The following TMEM236 variants were observed in gnomAD, a reference collection of about 807,000 sequenced individuals.
TMEM236 encodes transmembrane protein 236.
Under a neutral mutation model 14.7 loss-of-function variants are expected in TMEM236, and 11 were observed. The ratio of observed to expected loss-of-function variants is 0.75; its 90% CI spans 0.47 to 1.24. The LOEUF (loss-of-function observed/expected upper bound fraction) is 1.24. TMEM236 is among the 50% of genes most tolerant of loss of function. The pLI is 0.00. For synonymous variants in TMEM236, 182 were observed against 168.6 expected, an observed-to-expected ratio of 1.08 and a Z score of -0.62; for missense variants, 464 against 427.3, an observed-to-expected ratio of 1.09 and a Z score of -0.76.
chr10:17,790,349 G>T (rs1359124337), intron 3 of TMEM236, among the ~76,000 whole-genome samples: 1 of 152,142 alleles, frequency 6.6e-6, no homozygotes, highest in African/African-American at 2.4e-5. Flanking sequence ...TGATTGTTGC[G>T]TCTTCCACAA....
At chr10:17,769,160 C>G (rs1837527562) in intron 1 of TMEM236, among the ~76,000 whole-genome samples, 1 of 152,128 alleles carries the variant, frequency 6.6e-6, no homozygotes, top group Non-Finnish European at 1.5e-5. Flanking sequence ...TGTTGCTAGG[C>G]AAGAATAGAA....
In TMEM236 at chr10:17,798,067, C is replaced by CT. The variant is rs1838045264; in HGVS notation, c.*1563_*1564insT. ...TACAGAGTCATGCAACTTGCTTTCA[C>CT]CCTGTTGGGACACTCTGAACAGTCA... On this transcript the variant is annotated 3_prime_UTR_variant, in exon 4 of 4. Coordinates refer to ENST00000377495, the MANE Select transcript of TMEM236 (RefSeq NM_001098844.3). The CT allele has an allele frequency of 6.3e-6, 1 of 158,056 alleles. No individual in the cohort carries two copies. The highest frequency in any genetic ancestry group is 1.4e-5 in the Non-Finnish European group (1 of 71,348). 9.8% of individuals were successfully genotyped at this position (158,056 alleles called of 1,614,324 possible). A position where few individuals can be genotyped will look rare whatever the true frequency, so the allele number is the denominator to read the frequency against.
chr10:17,758,579 A>T (rs1589138290), intron 1 of TMEM236, among the ~76,000 whole-genome samples: 1 of 152,210 alleles, frequency 6.6e-6, no homozygotes, highest in Non-Finnish European at 1.5e-5. Context: ...ATTTCATAAG[A>T]TCATGCGTGT....
chr10:17,779,125 C>T (rs1022434739), intron 3 of TMEM236, among the ~76,000 whole-genome samples: 69,256 of 151,940 alleles, frequency 0.46, 15,954 homozygotes, highest in Middle Eastern at 0.57. Context: ...TACAAATGAG[C>T]GCACCTTAAT....
rs1451560179 is a variant in TMEM236 at position 17,797,871 on chromosome 10, AG to A, written c.*1368del. On this transcript the variant is annotated 3_prime_UTR_variant, in exon 4 of 4. Coordinates refer to ENST00000377495, the MANE Select transcript of TMEM236 (RefSeq NM_001098844.3). ...ATAAAAAGCCATAAAGTGAAGACAG[AG>A]ATTTCAAAGTAAAAGAATATTTTAT... The A allele has an allele frequency of 1.3e-5, 2 of 152,306 alleles. No homozygotes were observed. The highest frequency in any genetic ancestry group is 2.9e-5 in the Non-Finnish European group (2 of 68,110). 9.4% of individuals were successfully genotyped at this position (152,306 alleles called of 1,614,324 possible). A position where few individuals can be genotyped will look rare whatever the true frequency, so the allele number is the denominator to read the frequency against.
chr10:17,797,942 G>A lies in TMEM236; in HGVS notation c.*1438G>A, dbSNP rs1286522600. ...GATAAATAATCAAAGTACAAGCCCTGTTTAAAATTAAAAGTTCGGCTTACA... is the reference window on the plus strand; with the variant it reads ...GATAAATAATCAAAGTACAAGCCCTATTTAAAATTAAAAGTTCGGCTTACA... On this transcript the variant is annotated 3_prime_UTR_variant, in exon 4 of 4. Transcript: ENST00000377495. 6.6e-6 allele frequency: 1 copy of A among 152,198 alleles called. No individual in the cohort carries two copies. The highest frequency in any genetic ancestry group is 1.5e-5 in the Non-Finnish European group (1 of 68,062). The allele number at this position is 152,198 out of a possible 1,614,324, so 9.4% of individuals were successfully genotyped here.
chr10:17,790,348 C>A (rs1837906425), intron 3 of TMEM236, among the ~76,000 whole-genome samples: 1 of 152,156 alleles, frequency 6.6e-6, no homozygotes. Context: ...TTGATTGTTG[C>A]GTCTTCCACA....
intron 1 of TMEM236, among the ~76,000 whole-genome samples, chr10:17,767,220 T>C (rs1248744568): frequency 6.6e-6 from 1 of 152,160 alleles, no homozygotes; most frequent in African/African-American, 2.4e-5. Flanking sequence ...CCCAGCACTT[T>C]GGGAGGCCGA....
chr10:17,770,566 G>A (rs1371266392), intron 1 of TMEM236, among the ~76,000 whole-genome samples: 1 of 152,114 alleles, frequency 6.6e-6, no homozygotes, highest in Non-Finnish European at 1.5e-5. Context: ...TGTATTTTTA[G>A]TAGAGACAGG....
intron 1 of TMEM236, among the ~76,000 whole-genome samples, chr10:17,759,247 A>C (rs987590876): frequency 6.6e-6 from 1 of 152,212 alleles, no homozygotes; most frequent in Non-Finnish European, 1.5e-5. Context: ...GATGTGTGAT[A>C]ACATTGAGCT....
chr10:17,789,718 C>A (rs548151412), intron 3 of TMEM236, among the ~76,000 whole-genome samples: 1 of 151,802 alleles, frequency 6.6e-6, no homozygotes, highest in Admixed American at 6.6e-5. Context: ...TCCATCTCTA[C>A]AAAAAATTAA....
intron 1 of TMEM236, among the ~76,000 whole-genome samples, chr10:17,762,616 T>TATATAC (rs1554834058): frequency 0.01 from 553 of 54,060 alleles, 2 homozygotes; most frequent in East Asian, 0.025. Flanking sequence ...TATATATATA[T>TATATAC]ATACACACAT....
chr10:17,759,217 A>G (rs1240114321), intron 1 of TMEM236, among the ~76,000 whole-genome samples: 2 of 152,272 alleles, frequency 1.3e-5, no homozygotes, highest in East Asian at 3.9e-4. Context: ...TAAGAGAGTT[A>G]TTTTCCTGGA....
chr10:17,779,661 A>C (rs1414269009), intron 3 of TMEM236, among the ~76,000 whole-genome samples: 1 of 151,848 alleles, frequency 6.6e-6, no homozygotes, highest in Non-Finnish European at 1.5e-5. Flanking sequence ...TCTGCTTGCC[A>C]CAGCTTCCCA....
intron 3 of TMEM236, among the ~76,000 whole-genome samples, chr10:17,779,560 A>AG (rs1161211754): frequency 5.3e-5 from 8 of 152,198 alleles, no homozygotes; most frequent in African/African-American, 1.9e-4. Flanking sequence ...ACAGGAGGGC[A>AG]CCACCATGCC....
chr10:17,780,219 A>G (rs1379034694), intron 3 of TMEM236, among the ~76,000 whole-genome samples: 3 of 152,174 alleles, frequency 2.0e-5, no homozygotes, highest in African/African-American at 4.8e-5. Flanking sequence ...GCTTTTCTCC[A>G]TGGGGGTCTC....
chr10:17,761,351 C>A (rs35884983), intron 1 of TMEM236, among the ~76,000 whole-genome samples: 18,648 of 151,998 alleles, frequency 0.12, 1,669 homozygotes, highest in East Asian at 0.41. Flanking sequence ...TTTTCTCCCC[C>A]CTGCATTCCC....
In TMEM236 at chr10:17,774,029, T is replaced by TTTTGTTTGTTTGTTTGTTTG. The variant is rs1228988280; in HGVS notation, c.331-1988_331-1969dup. 2.2e-5 allele frequency among the ~76,000 whole-genome samples: 3 copies of TTTTGTTTGTTTGTTTGTTTG among 133,494 alleles called. No individual in the cohort carries two copies. The South Asian group carries it at 8.5e-4, about 38-fold the overall frequency. The allele number at this position is 133,494 out of a possible 152,430, so 87.6% of individuals were successfully genotyped here. A position where few individuals can be genotyped will look rare whatever the true frequency, so the allele number is the denominator to read the frequency against. On this transcript the variant is annotated intron_variant, in intron 2 of 3. Transcript: ENST00000377495. ...CTTAAAATCTTTCATATATATATAT[T>TTTTGTTTGTTTGTTTGTTTG]TTTGTTTGTTTGTTTGTTTGTTTGT... is the stretch of plus-strand genomic sequence containing the variant.
chr10:17,789,718 C>T (rs548151412), intron 3 of TMEM236, among the ~76,000 whole-genome samples: 2,952 of 151,908 alleles, frequency 0.019, 45 homozygotes, highest in Middle Eastern at 0.075. Context: ...TCCATCTCTA[C>T]AAAAAATTAA....
Sources: allele counts gnomAD v4.1 joint callset (sites outside exome capture counted in the v4.1 genomes callset), GRCh38; gene constraint gnomAD v4.1.1; transcripts MANE v1.5; gene names NCBI Gene and HGNC (gene_info 2026-07-23, HGNC 2026-07-21).